The following PRKCB variants were observed in gnomAD, a reference collection of about 807,000 sequenced individuals.
PRKCB encodes protein kinase C beta type.
Under a neutral mutation model 81.5 loss-of-function variants are expected in PRKCB, and 13 were observed. That is an observed-to-expected ratio of 0.16 (90% confidence interval 0.10 to 0.25). The LOEUF is 0.25. PRKCB is among the 10% of genes least tolerant of loss of function. The pLI, the probability that PRKCB is intolerant of heterozygous loss-of-function variation, is 1.00. For synonymous variants in PRKCB, 335 were observed against 321.4 expected, an observed-to-expected ratio of 1.04 and a Z score of -0.45; for missense variants, 509 against 875.7, an observed-to-expected ratio of 0.58 and a Z score of 5.29.
At chr16:23,910,501 A>T (rs1963634344) in intron 2 of PRKCB, among the ~76,000 whole-genome samples, 1 of 152,196 alleles carries the variant, frequency 6.6e-6, no homozygotes, top group Non-Finnish European at 1.5e-5. Context: ...TAACAGAAAC[A>T]GAGCAGGTCT....
chr16:24,134,647 G>C (rs999405843), intron 9 of PRKCB, among the ~76,000 whole-genome samples: 3 of 152,132 alleles, frequency 2.0e-5, no homozygotes, highest in Non-Finnish European at 2.9e-5. Flanking sequence ...TACTCAAGAG[G>C]CTGAGGCAGG....
intron 2 of PRKCB, among the ~76,000 whole-genome samples, chr16:23,928,960 G>T (rs560721106): frequency 2.0e-5 from 3 of 151,828 alleles, no homozygotes; most frequent in African/African-American, 7.3e-5. Context: ...CTCGTGATCC[G>T]CCCGCCTCGG....
chr16:24,114,229 G>T (rs1467457508), intron 8 of PRKCB, among the ~76,000 whole-genome samples: 1 of 141,530 alleles, frequency 7.1e-6, no homozygotes, highest in Non-Finnish European at 1.6e-5. Context: ...GTGCGATCTC[G>T]GCTCACTGCA....
At chr16:24,187,979 A>G (rs2238494) in intron 15 of PRKCB, among the ~76,000 whole-genome samples, 30,086 of 152,242 alleles carry the variant, frequency 0.2, 3,290 homozygotes, top group South Asian at 0.33. Flanking sequence ...TCCTTGCATG[A>G]TGTGGGCACA....
intron 2 of PRKCB, among the ~76,000 whole-genome samples, chr16:23,878,875 A>G (rs1963059309): frequency 6.6e-6 from 1 of 152,080 alleles, no homozygotes; most frequent in Non-Finnish European, 1.5e-5. Flanking sequence ...TGCGTCCTTA[A>G]GAGGCAATGT....
rs145168700 is a variant in PRKCB, at chr16:24,061,792, C to T, written c.529+26245C>T. Among the ~76,000 whole-genome samples the T allele has an allele frequency of 2.3e-3, 342 of 151,676 alleles. 1 individual carries two copies. Among genetic ancestry groups the T allele is most frequent in the African/African-American group, 8.0e-3 (329 of 41,368 alleles). Reference sequence around the variant, plus strand: ...AGGGAAAACAGAAAAGCACTCTATACACTGGGCAATTTGTTAAAAAAGAAA... The same window carrying T: ...AGGGAAAACAGAAAAGCACTCTATATACTGGGCAATTTGTTAAAAAAGAAA... On this transcript the variant is annotated intron_variant, in intron 5 of 16. Coordinates refer to ENST00000643927, the MANE Select transcript of PRKCB (RefSeq NM_002738.7).
intron 2 of PRKCB, among the ~76,000 whole-genome samples, chr16:23,838,343 C>A (rs1962206003): frequency 6.6e-6 from 1 of 152,230 alleles, no homozygotes; most frequent in Non-Finnish European, 1.5e-5. Context: ...TGGGGAACAG[C>A]CTTACCATTT....
intron 3 of PRKCB, among the ~76,000 whole-genome samples, chr16:23,992,062 G>A (rs1031299938): frequency 4.6e-5 from 7 of 152,186 alleles, no homozygotes; most frequent in South Asian, 4.1e-4. Flanking sequence ...AGAGATATCC[G>A]TCACCCCTTC....
intron 5 of PRKCB, among the ~76,000 whole-genome samples, chr16:24,055,374 G>T (rs1407255327): frequency 1.3e-5 from 2 of 152,226 alleles, no homozygotes; most frequent in African/African-American, 4.8e-5. Context: ...AAGGAAGGGA[G>T]ATGGCCCTGG....
chr16:23,933,534 T>C (rs905921785), intron 2 of PRKCB, among the ~76,000 whole-genome samples: 1 of 152,142 alleles, frequency 6.6e-6, no homozygotes, highest in African/African-American at 2.4e-5. Context: ...GAAGATAATA[T>C]TTTAAATCAG....
intron 15 of PRKCB, among the ~76,000 whole-genome samples, chr16:24,189,821 G>T (rs186472590): frequency 2.0e-5 from 3 of 152,254 alleles, no homozygotes; most frequent in South Asian, 2.1e-4. Context: ...GAATTTCTGG[G>T]TTCATTCCTT....
intron 10 of PRKCB, among the ~76,000 whole-genome samples, chr16:24,156,535 A>G (rs1967161152): frequency 6.6e-6 from 1 of 152,104 alleles, no homozygotes; most frequent in Non-Finnish European, 1.5e-5. Context: ...TCGGCCTCCC[A>G]AGGTGCTGGG....
In PRKCB at chr16:23,980,731, G is replaced by T. The variant is rs186947933; in HGVS notation, c.206-7777G>T. 2.2e-3 allele frequency among the ~76,000 whole-genome samples: 327 copies of T among 152,042 alleles called. 1 individual carries two copies. Among genetic ancestry groups the T allele is most frequent in the African/African-American group, 7.2e-3 (298 of 41,396 alleles). ...TTTAAGGGTAAAGGTTGCTTCCTAA[G>T]AATGTCAGTTTTCCACTATAGACCC... is the stretch of plus-strand genomic sequence containing the variant. On this transcript the variant is annotated intron_variant, in intron 2 of 16. Coordinates refer to ENST00000643927, the MANE Select transcript of PRKCB (RefSeq NM_002738.7).
chr16:23,931,550 A>G (rs571580562), intron 2 of PRKCB, among the ~76,000 whole-genome samples: 1 of 152,252 alleles, frequency 6.6e-6, no homozygotes, highest in South Asian at 2.1e-4. Context: ...AGACCTGAGC[A>G]GGTGCCAACC....
At chr16:24,170,131 C>A (rs1967418788) in intron 10 of PRKCB, among the ~76,000 whole-genome samples, 1 of 152,048 alleles carries the variant, frequency 6.6e-6, no homozygotes, top group Non-Finnish European at 1.5e-5. Flanking sequence ...CATTTATTGC[C>A]TTTTCTGTGT....
intron 2 of PRKCB, among the ~76,000 whole-genome samples, chr16:23,899,377 C>T (rs917827491): frequency 2.6e-5 from 4 of 152,150 alleles, no homozygotes; most frequent in African/African-American, 7.2e-5. Flanking sequence ...CCAGTACATT[C>T]CCTGTTCTTT....
chr16:24,054,790 C>A (rs542854330), intron 5 of PRKCB, among the ~76,000 whole-genome samples: 1 of 152,244 alleles, frequency 6.6e-6, no homozygotes, highest in Non-Finnish European at 1.5e-5. Context: ...ATCGTTCTAA[C>A]AGTCTCTTGA....
At chr16:23,875,506 T>TATATA (rs1567298316) in intron 2 of PRKCB, among the ~76,000 whole-genome samples, 2 of 27,806 alleles carry the variant, frequency 7.2e-5, no homozygotes, top group Non-Finnish European at 6.3e-5. Flanking sequence ...TATATATATA[T>TATATA]GATGTATATC....
At chr16:24,004,643 A>G (rs1336097759) in intron 3 of PRKCB, among the ~76,000 whole-genome samples, 3 of 152,210 alleles carry the variant, frequency 2.0e-5, no homozygotes, top group Non-Finnish European at 4.4e-5. Flanking sequence ...CAACAGAGTG[A>G]GATTCTGTCT....
Sources: gnomAD v4.1 joint callset for allele counts (sites outside exome capture counted in the v4.1 genomes callset) on GRCh38, gnomAD v4.1.1 for gene constraint, MANE v1.5 for transcripts, NCBI Gene and HGNC (gene_info 2026-07-23, HGNC 2026-07-21) for gene names.